The following SPTBN1 variants were observed in gnomAD, a reference collection of about 807,000 sequenced individuals.
SPTBN1 encodes spectrin beta chain, non-erythrocytic 1.
SPTBN1 carries 32 observed loss-of-function variants against 266.4 expected under a neutral mutation model. The observed-to-expected ratio is 0.12, with a 90% CI of 0.09 to 0.16. SPTBN1 has a LOEUF of 0.16. Among genes scored for constraint, SPTBN1 ranks in the 10% least tolerant of loss-of-function variants. SPTBN1 has a pLI of 1.00. For missense variants in SPTBN1, 2,296 were observed against 3,067.1 expected (o/e 0.75, Z 5.94); for synonymous variants, 1,336 against 1,162.2 (o/e 1.15, Z -3.04).
At position 54,670,520 on chromosome 2, in the gene SPTBN1, G is replaced by A. The variant is rs116695718; in HGVS notation, c.*1951G>A. 2,811 of 394,820 alleles carry A rather than the reference G, an allele frequency of 7.1e-3. 50 individuals carry two copies. Among genetic ancestry groups the A allele is most frequent in the African/African-American group, 0.041 (1,988 of 48,700 alleles). 24.5% of individuals were successfully genotyped at this position (394,820 alleles called of 1,614,324 possible). On this transcript the variant is annotated 3_prime_UTR_variant, in exon 36 of 36. Transcript: ENST00000356805. ...CACCATCCTCTCCCCTGCTTCCCAC[G>A]ACAGTCCTTTGCCCTTGCCATGCTC... is the stretch of plus-strand genomic sequence containing the variant.
intron 2 of SPTBN1, among the ~76,000 whole-genome samples, chr2:54,567,335 TTTTATTTA>T (rs1038673273): frequency 1.3e-5 from 2 of 151,940 alleles, no homozygotes; most frequent in Admixed American, 6.6e-5. Flanking sequence ...AGGATTTTTA[TTTTATTTA>T]TTTATTTATT....
intron 4 of SPTBN1, among the ~76,000 whole-genome samples, chr2:54,612,966 C>A (rs1677327275): frequency 6.6e-6 from 1 of 152,192 alleles, no homozygotes; most frequent in African/African-American, 2.4e-5. Flanking sequence ...CTCTCAAGGT[C>A]ATTTTGTCCA....
At chr2:54,632,809 G>A (rs1678845899) in intron 17 of SPTBN1, 41 bp downstream of exon 17, 1 of 1,601,032 alleles carries the variant, frequency 6.2e-7, no homozygotes. Flanking sequence ...TTGCACCTTG[G>A]GGCTCTCAAA....
intron 1 of SPTBN1, among the ~76,000 whole-genome samples, chr2:54,489,281 ACTGTGCTCCAAC>A (rs1224158883): frequency 1.3e-5 from 2 of 151,730 alleles, no homozygotes; most frequent in Non-Finnish European, 2.9e-5. Flanking sequence ...TGATCATGCC[ACTGTGCTCCAAC>A]CTGGGCAACA....
chr2:54,521,513 C>G (rs1464126651), intron 1 of SPTBN1, among the ~76,000 whole-genome samples: 3 of 152,152 alleles, frequency 2.0e-5, no homozygotes, highest in Admixed American at 6.6e-5. Flanking sequence ...AAAAAGAACT[C>G]AGAGCATTGC....
At position 54,561,459 on chromosome 2, in the gene SPTBN1, T is replaced by G. The variant is rs568788036; in HGVS notation, c.148+34893T>G. 1.6e-4 allele frequency among the ~76,000 whole-genome samples: 25 copies of G among 152,292 alleles called. No individual in the cohort carries two copies. In the South Asian group the frequency reaches 5.2e-3, roughly 32 times the overall value. On this transcript the variant is annotated intron_variant, in intron 2 of 35. Coordinates refer to ENST00000356805, the MANE Select transcript of SPTBN1 (RefSeq NM_003128.3). ...TGTACTGGGTTTAATGCCTCTGATA[T>G]GAACTTATTTATGTATTGTCTGTGC...
At chr2:54,535,956 G>A (rs1219744765) in intron 2 of SPTBN1, among the ~76,000 whole-genome samples, 1 of 152,218 alleles carries the variant, frequency 6.6e-6, no homozygotes, top group African/African-American at 2.4e-5. Context: ...GGAGGCGGAA[G>A]TTGCAGTGAG....
At chr2:54,603,498 T>C (rs187878936) in intron 3 of SPTBN1, among the ~76,000 whole-genome samples, 11 of 152,280 alleles carry the variant, frequency 7.2e-5, no homozygotes, top group African/African-American at 2.4e-4. Context: ...GTAGGCGATA[T>C]GGTGTGGACT....
intron 2 of SPTBN1, among the ~76,000 whole-genome samples, chr2:54,597,866 C>CTTTTTTTTTTTTTT: frequency 1.2e-5 from 1 of 82,192 alleles, no homozygotes; most frequent in Non-Finnish European, 2.4e-5. Flanking sequence ...GAGCTATCTG[C>CTTTTTTTTTTTTTT]TTTTTTTTTT....
chr2:54,589,172 G>A (rs1558873616), intron 2 of SPTBN1, among the ~76,000 whole-genome samples: 1 of 152,160 alleles, frequency 6.6e-6, no homozygotes, highest in Non-Finnish European at 1.5e-5. Flanking sequence ...CTTAGAAGAG[G>A]TAGTTGTGTT....
intron 1 of SPTBN1, among the ~76,000 whole-genome samples, chr2:54,504,603 A>G (rs1173617819): frequency 6.6e-6 from 1 of 152,232 alleles, no homozygotes; most frequent in Non-Finnish European, 1.5e-5. Context: ...TCTTTAGGTG[A>G]TTTAAAGTAT....
At chr2:54,482,641 C>G (rs1203545624) in intron 1 of SPTBN1, among the ~76,000 whole-genome samples, 1 of 152,254 alleles carries the variant, frequency 6.6e-6, no homozygotes, top group Non-Finnish European at 1.5e-5. Flanking sequence ...TTCATTTCCT[C>G]AGTCACACTA....
intron 2 of SPTBN1, among the ~76,000 whole-genome samples, chr2:54,583,472 T>C (rs1675083577): frequency 6.6e-6 from 1 of 152,164 alleles, no homozygotes; most frequent in Non-Finnish European, 1.5e-5. Context: ...GGTGAGAAGA[T>C]ACCTGGAGGC....
At position 54,646,529 on chromosome 2, in the gene SPTBN1, T is replaced by C. The variant is rs1679936735; in HGVS notation, c.4866+54T>C. 1 of 1,437,130 alleles carries C rather than the reference T, an allele frequency of 7.0e-7. No homozygotes were observed. The highest frequency in any genetic ancestry group is 9.1e-7 in the Non-Finnish European group (1 of 1,094,850). 89.0% of individuals were successfully genotyped at this position (1,437,130 alleles called of 1,614,324 possible). ...CCAGGAGAGCCTCAGATTCAAACCCTGGGCACACTTTCTGCTGGCGGCTCT... is the reference window on the plus strand; with the variant it reads ...CCAGGAGAGCCTCAGATTCAAACCCCGGGCACACTTTCTGCTGGCGGCTCT... On this transcript the variant is annotated intron_variant, in intron 23 of 35. Coordinates refer to ENST00000356805, the MANE Select transcript of SPTBN1 (RefSeq NM_003128.3). This position sits in a 1 kb window ranked among gnomAD's most constrained non-coding sequence, Gnocchi z 4.4.
At chr2:54,522,075 T>A (rs1233051479) in intron 1 of SPTBN1, among the ~76,000 whole-genome samples, 1 of 151,200 alleles carries the variant, frequency 6.6e-6, no homozygotes, top group Non-Finnish European at 1.5e-5. Flanking sequence ...TTTTTTTTTT[T>A]ATTTTTGTGG....
chr2:54,589,518 A>T (rs1028457085), intron 2 of SPTBN1, among the ~76,000 whole-genome samples: 8 of 152,226 alleles, frequency 5.3e-5, no homozygotes, highest in Non-Finnish European at 2.9e-5. Flanking sequence ...CCCATCAGAC[A>T]GTTACTAGCA....
At chr2:54,589,310 G>C (rs1368592121) in intron 2 of SPTBN1, among the ~76,000 whole-genome samples, 1 of 152,158 alleles carries the variant, frequency 6.6e-6, no homozygotes, top group East Asian at 1.9e-4. Context: ...GCAGGACCCT[G>C]GTGACAGAGC....
chr2:54,663,157 G>A (rs1484902582), intron 32 of SPTBN1: 2 of 152,192 alleles, frequency 1.3e-5, no homozygotes, highest in East Asian at 3.8e-4. Flanking sequence ...ATAAGTGAGA[G>A]ATACAGTTCC....
intron 2 of SPTBN1, chr2:54,527,621 T>C (rs75120067): frequency 0.039 from 5,935 of 152,318 alleles, 153 homozygotes; most frequent in Admixed American, 0.088. Flanking sequence ...TCTTTCTCTC[T>C]ACTCTGGCTT....
Sources: gnomAD v4.1 joint callset for allele counts (sites outside exome capture counted in the v4.1 genomes callset) on GRCh38, gnomAD v4.1.1 for gene constraint, Gnocchi (gnomAD v3.1) non-coding constraint, MANE v1.5 for transcripts, NCBI Gene and HGNC (gene_info 2026-07-23, HGNC 2026-07-21) for gene names.